HERC1: variants seen among roughly 807,000 people sequenced by gnomAD.
HERC1 encodes the protein HECT and RLD domain containing E3 ubiquitin protein ligase family member 1, also known as probable E3 ubiquitin-protein ligase HERC1.
In HERC1, 160 loss-of-function variants were observed where a neutral mutation model predicts 554.3. The ratio of observed to expected loss-of-function variants is 0.29; its 90% confidence interval spans 0.25 to 0.33. The LOEUF is 0.33. Ranked by LOEUF, HERC1 falls within the 10% of genes least tolerant of loss-of-function variation. HERC1 has a pLI of 1.00. For synonymous variants in HERC1, 2,175 were observed against 2,131.7 expected (o/e 1.02, Z -0.56); for missense variants, 4,919 against 5,918.5 (o/e 0.83, Z 5.54).
intron 1 of HERC1, among the ~76,000 whole-genome samples, chr15:63,788,103 T>A (rs1446221546): frequency 2.0e-5 from 3 of 151,798 alleles, no homozygotes; most frequent in African/African-American, 7.3e-5. Flanking sequence ...CATAAAGACA[T>A]TTGTATAAAA....
At chr15:63,741,026 T>C (rs77106865) in intron 12 of HERC1, among the ~76,000 whole-genome samples, 2 of 146,770 alleles carry the variant, frequency 1.4e-5, no homozygotes, top group African/African-American at 5.0e-5. Context: ...ATCTATGTTG[T>C]TTTTTTTTTT....
At chr15:63,682,462 G>A (rs1366455646) in intron 34 of HERC1, among the ~76,000 whole-genome samples, 2 of 152,132 alleles carry the variant, frequency 1.3e-5, no homozygotes, top group Admixed American at 6.5e-5. Context: ...GGAGGGGAAA[G>A]GGTTCAAAAA....
chr15:63,631,237 T>C lies in HERC1; in HGVS notation c.12797-602A>G, dbSNP rs553054358. Among the ~76,000 whole-genome samples the C allele has an allele frequency of 6.6e-5, 10 of 152,288 alleles. No homozygotes were observed. In the South Asian group the frequency reaches 2.1e-3, roughly 32 times the overall value. ...ACCTCTCCCCTTACCTTGCCAAACT[T>C]CTAGAGGGTGCCAGCCAGCCCCTGA... On this transcript the variant is annotated intron_variant, in intron 68 of 77. Coordinates refer to ENST00000443617, the MANE Select transcript of HERC1 (RefSeq NM_003922.4).
At chr15:63,689,294 T>A (rs2071967744) in intron 33 of HERC1, among the ~76,000 whole-genome samples, 1 of 152,196 alleles carries the variant, frequency 6.6e-6, no homozygotes, top group Non-Finnish European at 1.5e-5. Context: ...GAAGAGATAA[T>A]GAGAAGAAAG....
chr15:63,824,385 T>C (rs536113390), intron 1 of HERC1, among the ~76,000 whole-genome samples: 6 of 151,890 alleles, frequency 4.0e-5, no homozygotes, highest in Non-Finnish European at 8.8e-5. Flanking sequence ...TACAAAAAAA[T>C]TAGCCGGGTG....
At chr15:63,613,965 T>C (rs1040222709) in intron 76 of HERC1, among the ~76,000 whole-genome samples, 1 of 152,220 alleles carries the variant, frequency 6.6e-6, no homozygotes, top group African/African-American at 2.4e-5. Flanking sequence ...CAAGCTGTTA[T>C]GCTTGGTGGA....
intron 3 of HERC1, among the ~76,000 whole-genome samples, chr15:63,759,010 T>C (rs1164113105): frequency 6.6e-6 from 1 of 152,140 alleles, no homozygotes; most frequent in Non-Finnish European, 1.5e-5. Flanking sequence ...ATTACAGGCA[T>C]GCAAGTAATC....
chr15:63,696,022 G>T, intron 27 of HERC1, 102 bp downstream of exon 27: 1 of 836,040 alleles, frequency 1.2e-6, no homozygotes, highest in Non-Finnish European at 1.9e-6. Context: ...TAAAGTCTTT[G>T]TATTTTTAAA....
At chr15:63,634,605 G>C in intron 66 of HERC1, 128 bp downstream of exon 66, 1 of 657,756 alleles carries the variant, frequency 1.5e-6, no homozygotes, top group Non-Finnish European at 2.5e-6. Flanking sequence ...TTATCAATTA[G>C]ACCATAGCAA....
At chr15:63,729,120 A>C (rs759245584) in intron 16 of HERC1, 116 bp downstream of exon 16, 5 of 933,550 alleles carry the variant, frequency 5.4e-6, no homozygotes, top group Non-Finnish European at 7.9e-6. Context: ...CTTCAATAGA[A>C]GGAAATTCAA....
intron 1 of HERC1, among the ~76,000 whole-genome samples, chr15:63,783,555 G>A (rs2076349000): frequency 6.6e-6 from 1 of 152,080 alleles, no homozygotes; most frequent in Non-Finnish European, 1.5e-5. Context: ...GCTTTACTAT[G>A]ACATTGGCTT....
intron 1 of HERC1, among the ~76,000 whole-genome samples, chr15:63,798,474 C>A (rs1323075620): frequency 6.6e-6 from 1 of 151,880 alleles, no homozygotes; most frequent in African/African-American, 2.4e-5. Flanking sequence ...TCATTCCAAG[C>A]CTTCAAACCA....
chr15:63,754,434 T>C (rs1048535376), intron 7 of HERC1, 71 bp downstream of exon 7: 7 of 1,306,516 alleles, frequency 5.4e-6, no homozygotes, highest in Non-Finnish European at 7.3e-6. Context: ...TAGGCATATA[T>C]AACTGAAAAA....
In HERC1 at chr15:63,673,810, C is replaced by T. The variant is rs151240521; in HGVS notation, c.7846+532G>A. Among the ~76,000 whole-genome samples the T allele has an allele frequency of 4.6e-3, 700 of 152,310 alleles. 6 individuals carry two copies. The highest frequency in any genetic ancestry group is 0.016 in the African/African-American group (660 of 41,564). ...CACAATCTCGGCTCACTGTAACCTC[C>T]GCCTCCCAGGTTCAAGATATTCTAC... On this transcript the variant is annotated intron_variant, in intron 38 of 77. Coordinates refer to ENST00000443617, the MANE Select transcript of HERC1 (RefSeq NM_003922.4).
chr15:63,659,934 C>G lies in HERC1; in HGVS notation c.9226G>C (p.Asp3076His), dbSNP rs776274740. ...TCATCAACATCCAACATGTCCCAGT[C>G]TTCTGGAATTTAAATAAATAAATGT... ...IGKQDSVYEE[D>H]WDMLDVDEDE... is the part of the protein sequence containing the mutation. The change falls in exon 47 of 78, where the codon GAC becomes CAC. Residue 3076 changes from aspartate to histidine, a missense_variant and splice_region_variant. Asp to His is a moderately conservative substitution (Grantham distance 81). This residue lies in a region of HERC1 where 1,963 missense variants were observed against 2,228.6 expected (regional missense o/e 0.88). Transcript: ENST00000443617. The G allele has an allele frequency of 6.2e-7, 1 of 1,602,088 alleles. No homozygotes were observed. Among genetic ancestry groups the G allele is most frequent in the Non-Finnish European group, 8.5e-7 (1 of 1,169,986 alleles).
At chr15:63,741,097 C>T (rs564697648) in intron 12 of HERC1, among the ~76,000 whole-genome samples, 301 of 151,986 alleles carry the variant, frequency 2.0e-3, no homozygotes, top group Non-Finnish European at 3.3e-3. Context: ...GGTGCGGTCT[C>T]CACTCACTGC....
chr15:63,690,903 C>T (rs541047791), intron 31 of HERC1, among the ~76,000 whole-genome samples: 2 of 152,170 alleles, frequency 1.3e-5, no homozygotes, highest in Non-Finnish European at 2.9e-5. Flanking sequence ...AGATACTATG[C>T]TATGCTACAC....
chr15:63,823,754 AACTAT>A (rs1185945622), intron 1 of HERC1, among the ~76,000 whole-genome samples: 11 of 152,194 alleles, frequency 7.2e-5, no homozygotes, highest in South Asian at 4.1e-4. Context: ...GAAAAAAAGA[AACTAT>A]ACTATACTAC....
chr15:63,753,855 T>C (rs1163802782), intron 7 of HERC1, among the ~76,000 whole-genome samples: 9 of 152,240 alleles, frequency 5.9e-5, no homozygotes, highest in Admixed American at 3.3e-4. Context: ...AAAAGAATGA[T>C]GTAGAGTCAT....
Sources: allele counts gnomAD v4.1 joint callset (sites outside exome capture counted in the v4.1 genomes callset), GRCh38; gene constraint gnomAD v4.1.1; regional missense constraint gnomAD v4.1.1; transcripts MANE v1.5; gene names NCBI Gene and HGNC (gene_info 2026-07-23, HGNC 2026-07-21).